RYR3: variants seen among roughly 807,000 people sequenced by gnomAD.
RYR3 encodes the protein brain ryanodine receptor-calcium release channel.
A neutral mutation model predicts 584.3 loss-of-function variants in RYR3; 207 were observed. The ratio of observed to expected loss-of-function variants is 0.35; its 90% CI spans 0.32 to 0.40. The LOEUF (loss-of-function observed/expected upper bound fraction) is 0.40. RYR3 is among the 10% of genes least tolerant of loss of function. The pLI, the probability that RYR3 is intolerant of heterozygous loss-of-function variation, is 1.00. For missense variants in RYR3, 5,616 were observed against 6,089.2 expected (o/e 0.92, Z 2.59); for synonymous variants, 2,416 against 2,248.5 (o/e 1.07, Z -2.11).
At chr15:33,626,126 CAT>C (rs1186822041) in intron 20 of RYR3, among the ~76,000 whole-genome samples, 7 of 152,134 alleles carry the variant, frequency 4.6e-5, no homozygotes, top group Non-Finnish European at 1.0e-4. Context: ...TAATCAGAAA[CAT>C]GTGTGTTAGA....
chr15:33,423,446 A>C (rs2141632069), intron 1 of RYR3, among the ~76,000 whole-genome samples: 1 of 152,250 alleles, frequency 6.6e-6, no homozygotes, highest in African/African-American at 2.4e-5. Context: ...GTTATTGTGA[A>C]TTGGCCTGTA....
At chr15:33,337,934 ATT>A (rs199625940) in intron 1 of RYR3, among the ~76,000 whole-genome samples, 2,398 of 112,660 alleles carry the variant, frequency 0.021, 8 homozygotes, top group African/African-American at 0.027. Flanking sequence ...ATTTTAGGAG[ATT>A]TTTTTTTTTT....
At position 33,351,180 on chromosome 15, in the gene RYR3, G is replaced by A. The variant is rs865911204; in HGVS notation, c.51+40084G>A. Among the ~76,000 whole-genome samples, 24 of 152,198 alleles carry A rather than the reference G, an allele frequency of 1.6e-4. 2 individuals are homozygous for A. Among genetic ancestry groups the A allele is most frequent in the Middle Eastern group, 6.8e-3 (2 of 294 alleles). On this transcript the variant is annotated intron_variant, in intron 1 of 103. Transcript: ENST00000634891. ...TCTAGAAGAAATGGATAAACTCCTC[G>A]ACACATACACTCTCCCAAGACTAAA...
In RYR3 at chr15:33,336,547, AGGG is replaced by A. The variant is rs1446883551; in HGVS notation, c.51+25452_51+25454del. Among the ~76,000 whole-genome samples, 6 of 77,460 alleles carry A rather than the reference AGGG, an allele frequency of 7.7e-5. 1 individual carries two copies. Among genetic ancestry groups the A allele is most frequent in the Non-Finnish European group, 8.5e-5 (3 of 35,420 alleles). The allele number at this position is 77,460 out of a possible 152,430, so 50.8% of individuals were successfully genotyped here. On this transcript the variant is annotated intron_variant, in intron 1 of 103. Coordinates refer to ENST00000634891, the MANE Select transcript of RYR3 (RefSeq NM_001036.6). ...GAGGGAAGGAGGGAAGGAGGGAAGG[AGGG>A]AAGGAAGGAAGAAAAAAGCACCATG...
At chr15:33,650,343 C>G (rs1367402350) in intron 31 of RYR3, among the ~76,000 whole-genome samples, 2 of 152,114 alleles carry the variant, frequency 1.3e-5, no homozygotes, top group Non-Finnish European at 2.9e-5. Context: ...CGCCACTGCA[C>G]TCCATCCTGG....
chr15:33,407,476 C>T (rs1401111747), intron 1 of RYR3, among the ~76,000 whole-genome samples: 1 of 152,048 alleles, frequency 6.6e-6, no homozygotes, highest in Non-Finnish European at 1.5e-5. Flanking sequence ...GTGGGTCATG[C>T]TTGGTGTGAC....
At chr15:33,328,112 C>T (rs1969952809) in intron 1 of RYR3, among the ~76,000 whole-genome samples, 1 of 152,154 alleles carries the variant, frequency 6.6e-6, no homozygotes, top group Non-Finnish European at 1.5e-5. Flanking sequence ...CAGCATTTCA[C>T]CTATAGCATG....
At chr15:33,671,120 T>C (rs915948546) in intron 38 of RYR3, among the ~76,000 whole-genome samples, 8 of 152,170 alleles carry the variant, frequency 5.3e-5, no homozygotes, top group African/African-American at 1.9e-4. Context: ...CTCTAATCCT[T>C]ATACTATAGA....
chr15:33,816,708 A>G (rs892551912), intron 74 of RYR3, among the ~76,000 whole-genome samples, 154 bp from the exon 75 acceptor site: 4 of 152,170 alleles, frequency 2.6e-5, no homozygotes, highest in Non-Finnish European at 4.4e-5. Flanking sequence ...GGTTTCTTTG[A>G]AGTGAGTTCT....
At chr15:33,694,808 G>T (rs774014752) in intron 38 of RYR3, among the ~76,000 whole-genome samples, 2 of 152,156 alleles carry the variant, frequency 1.3e-5, no homozygotes, top group Non-Finnish European at 2.9e-5. Flanking sequence ...TCTGACTTGG[G>T]TGTCCTTTTT....
chr15:33,357,347 G>A (rs1352433211), intron 1 of RYR3, among the ~76,000 whole-genome samples: 1 of 152,112 alleles, frequency 6.6e-6, no homozygotes, highest in Non-Finnish European at 1.5e-5. Context: ...TTTCCACATT[G>A]GACAAGAGAA....
chr15:33,540,237 T>A (rs910078195), intron 6 of RYR3, among the ~76,000 whole-genome samples: 1 of 152,136 alleles, frequency 6.6e-6, no homozygotes, highest in African/African-American at 2.4e-5. Context: ...AATAAGTTTA[T>A]GTTGGAGAAA....
chr15:33,423,313 G>A (rs114810136), intron 1 of RYR3, among the ~76,000 whole-genome samples: 58 of 152,298 alleles, frequency 3.8e-4, no homozygotes, highest in African/African-American at 1.3e-3. Flanking sequence ...GTTTATCCAT[G>A]TTGTAGTATG....
chr15:33,850,863 T>TTAAG (rs1455987715), intron 94 of RYR3: 3 of 152,132 alleles, frequency 2.0e-5, no homozygotes, highest in African/African-American at 7.3e-5. Flanking sequence ...TTAGTAATAT[T>TTAAG]AATTCTTAAA....
At chr15:33,486,755 G>A (rs2050460731) in intron 2 of RYR3, among the ~76,000 whole-genome samples, 1 of 152,176 alleles carries the variant, frequency 6.6e-6, no homozygotes, top group Admixed American at 6.5e-5. Context: ...CAGCAGAAGT[G>A]CATAGGCCCC....
chr15:33,829,521 G>A (rs905715403), intron 85 of RYR3, among the ~76,000 whole-genome samples: 2 of 152,078 alleles, frequency 1.3e-5, no homozygotes, highest in African/African-American at 4.8e-5. Context: ...GGCCAAGGCA[G>A]GAGGATCACA....
chr15:33,337,680 G>A (rs938284879), intron 1 of RYR3, among the ~76,000 whole-genome samples: 1 of 152,052 alleles, frequency 6.6e-6, no homozygotes, highest in Non-Finnish European at 1.5e-5. Context: ...CTGTCAACTG[G>A]TACAGTCACT....
chr15:33,781,099 CCT>C (rs1406092730), intron 65 of RYR3, among the ~76,000 whole-genome samples: 1 of 152,142 alleles, frequency 6.6e-6, no homozygotes, highest in African/African-American at 2.4e-5. Flanking sequence ...CGTTTTCCAC[CCT>C]CTTTTGTAAA....
intron 2 of RYR3, among the ~76,000 whole-genome samples, chr15:33,486,359 C>T (rs572599755): frequency 6.6e-6 from 1 of 152,230 alleles, no homozygotes; most frequent in South Asian, 2.1e-4. Context: ...GAAGCATAAC[C>T]CCAGTCTCTG....
Sources: allele counts gnomAD v4.1 joint callset (sites outside exome capture counted in the v4.1 genomes callset), GRCh38; gene constraint gnomAD v4.1.1; transcripts MANE v1.5; gene names NCBI Gene and HGNC (gene_info 2026-07-23, HGNC 2026-07-21).